The following SYT14 variants were observed in gnomAD, a reference collection of about 807,000 sequenced individuals.
SYT14 encodes the protein synaptotagmin-14.
Under a neutral mutation model 74.2 loss-of-function variants are expected in SYT14, and 32 were observed. The observed-to-expected ratio is 0.43, with a 90% CI of 0.33 to 0.58. The LOEUF (loss-of-function observed/expected upper bound fraction) is 0.58, where lower values mean the gene tolerates loss of function less well. SYT14 is among the 20% of genes least tolerant of loss of function. The pLI, the probability that SYT14 is intolerant of heterozygous loss-of-function variation, is 0.05. For missense variants in SYT14, 791 were observed against 981.8 expected (o/e 0.81, Z 2.60); for synonymous variants, 298 against 337.7 (o/e 0.88, Z 1.29).
intron 4 of SYT14, among the ~76,000 whole-genome samples, chr1:210,019,131 CAAAAAAAAAAAA>C (rs1215149823): frequency 1.8e-5 from 1 of 56,682 alleles, no homozygotes; most frequent in African/African-American, 6.9e-5. Flanking sequence ...TGAGACTCCT[CAAAAAAAAAAAA>C]AAAAAAAAAA....
intron 7 of SYT14, among the ~76,000 whole-genome samples, chr1:210,142,439 C>T (rs1290392632): frequency 6.6e-6 from 1 of 152,094 alleles, no homozygotes; most frequent in African/African-American, 2.4e-5. Context: ...TATAGAGGAG[C>T]AGACTTTCAG....
intron 7 of SYT14, among the ~76,000 whole-genome samples, chr1:210,145,495 G>A (rs2083013594): frequency 1.3e-5 from 2 of 152,038 alleles, no homozygotes; most frequent in African/African-American, 4.8e-5. Flanking sequence ...TGAATGATAG[G>A]CACTGTACTA....
At chr1:209,963,913 C>T (rs2079114039) in intron 2 of SYT14, among the ~76,000 whole-genome samples, 1 of 152,176 alleles carries the variant, frequency 6.6e-6, no homozygotes, top group Non-Finnish European at 1.5e-5. Context: ...TTATATTAAT[C>T]TCTAACTGAT....
chr1:209,976,938 T>C (rs974933494), intron 2 of SYT14, among the ~76,000 whole-genome samples: 4 of 152,210 alleles, frequency 2.6e-5, no homozygotes, highest in Admixed American at 2.0e-4. Context: ...CTTGTTGAAT[T>C]GATCCCTTTA....
chr1:210,117,886 A>G (rs1409315132), intron 7 of SYT14, among the ~76,000 whole-genome samples: 1 of 152,226 alleles, frequency 6.6e-6, no homozygotes, highest in Non-Finnish European at 1.5e-5. Flanking sequence ...AGTATTTAAT[A>G]TAGAGAATAA....
chr1:210,084,579 A>T (rs2081683552), intron 5 of SYT14, among the ~76,000 whole-genome samples: 1 of 152,232 alleles, frequency 6.6e-6, no homozygotes, highest in African/African-American at 2.4e-5. Context: ...GAGGCAGCCA[A>T]GGTTTCTGCA....
chr1:210,010,730 G>A (rs2080071281), intron 2 of SYT14, among the ~76,000 whole-genome samples: 1 of 152,158 alleles, frequency 6.6e-6, no homozygotes, highest in Admixed American at 6.5e-5. Context: ...TGAGGCAAGG[G>A]ATAGAAAGAG....
Position 210,099,994 on chromosome 1 carries a change from T to C in SYT14, c.1585-18T>C, listed in dbSNP as rs1418492888. On this transcript the variant is annotated intron_variant, in intron 6 of 9. Coordinates refer to ENST00000637265, the Ensembl canonical transcript of SYT14. ...TAATTGAGTTAAAAACTCTAACATT[T>C]AAATTTTCTTTTCTTAGGATATGTC... is the stretch of plus-strand genomic sequence containing the variant. 6.2e-7 allele frequency: 1 copy of C among 1,610,452 alleles called. No individual in the cohort carries two copies.
chr1:209,945,958 G>A (rs982209065), intron 1 of SYT14, among the ~76,000 whole-genome samples: 7 of 152,006 alleles, frequency 4.6e-5, no homozygotes, highest in African/African-American at 1.2e-4. Context: ...TCTGTGTCAC[G>A]TTTTGGTAAT....
chr1:210,004,212 A>G (rs1279196217), intron 2 of SYT14, among the ~76,000 whole-genome samples: 3 of 152,020 alleles, frequency 2.0e-5, no homozygotes, highest in Non-Finnish European at 2.9e-5. Flanking sequence ...AATTATCCAT[A>G]TTGAATTTCA....
In SYT14 at chr1:209,979,000, G is replaced by C. The variant is rs567434148; in HGVS notation, c.-486+26244G>C. 1.3e-4 allele frequency among the ~76,000 whole-genome samples: 20 copies of C among 152,324 alleles called. 1 individual carries two copies. In the South Asian group the frequency reaches 2.9e-3, roughly 22 times the overall value. ...AGGCTCCGTGGGCGTAGGACCCTCC[G>C]AGCCAGGCGCGGGATATAATCTCCT... On this transcript the variant is annotated intron_variant, in intron 2 of 9. Coordinates refer to ENST00000637265, the Ensembl canonical transcript of SYT14.
chr1:209,953,443 C>G (rs1290749973), intron 2 of SYT14, among the ~76,000 whole-genome samples: 4 of 152,128 alleles, frequency 2.6e-5, no homozygotes, highest in Admixed American at 6.5e-5. Context: ...ACTCTTGTCT[C>G]TTTTTAAACT....
chr1:210,128,801 G>A (rs2082620024), intron 7 of SYT14, among the ~76,000 whole-genome samples: 1 of 152,186 alleles, frequency 6.6e-6, no homozygotes, highest in Non-Finnish European at 1.5e-5. Context: ...TTGCCCAAGT[G>A]ATAGTAGCAT....
chr1:210,156,711 T>TTTTTC (rs2083275402), intron 8 of SYT14, among the ~76,000 whole-genome samples: 1 of 93,512 alleles, frequency 1.1e-5, no homozygotes, highest in South Asian at 3.2e-4. Flanking sequence ...TTTTTTTTTT[T>TTTTTC]GGAGACAGTT....
At chr1:209,978,760 AGGATTTTGCTGCCTTTTGTTTG>A in intron 2 of SYT14, among the ~76,000 whole-genome samples, 1 of 152,328 alleles carries the variant, frequency 6.6e-6, no homozygotes, top group South Asian at 2.1e-4. Flanking sequence ...AAGTCTGCAG[AGGATTTTGCTGCCTTTTGTTTG>A]GGTATTCCCT....
At chr1:209,940,877 A>AACT (rs1034453114) in intron 1 of SYT14, among the ~76,000 whole-genome samples, 10 of 152,180 alleles carry the variant, frequency 6.6e-5, no homozygotes, top group African/African-American at 2.4e-4. Context: ...CATACATCAA[A>AACT]ACTGTTATAC....
intron 2 of SYT14, among the ~76,000 whole-genome samples, chr1:209,967,534 C>T (rs917524576): frequency 1.2e-4 from 19 of 152,022 alleles, no homozygotes; most frequent in African/African-American, 4.3e-4. Context: ...CCTGAGTGAG[C>T]TTTTATTATT....
intron 5 of SYT14, among the ~76,000 whole-genome samples, chr1:210,062,261 A>C (rs977039284): frequency 4.0e-5 from 6 of 151,876 alleles, no homozygotes; most frequent in Non-Finnish European, 7.4e-5. Flanking sequence ...CTAATAACCA[A>C]GTGCATATTT....
At chr1:209,951,701 A>G (rs1209248046) in intron 1 of SYT14, among the ~76,000 whole-genome samples, 2 of 152,174 alleles carry the variant, frequency 1.3e-5, no homozygotes. Flanking sequence ...ACCCAAATCA[A>G]TCCAAATGTT....
Sources: allele counts gnomAD v4.1 joint callset (sites outside exome capture counted in the v4.1 genomes callset), GRCh38; gene constraint gnomAD v4.1.1; transcripts MANE v1.5; gene names NCBI Gene and HGNC (gene_info 2026-07-23, HGNC 2026-07-21).